The following AXIN2 variants were observed in gnomAD, a reference collection of about 807,000 sequenced individuals.
AXIN2 encodes axin 2, also known as axin-2.
In AXIN2, 21 loss-of-function variants were observed where a neutral mutation model predicts 74.7. The ratio of observed to expected loss-of-function variants is 0.28; its 90% CI spans 0.20 to 0.40. The LOEUF (loss-of-function observed/expected upper bound fraction) is 0.40, where lower values mean the gene tolerates loss of function less well. Ranked by LOEUF, AXIN2 falls within the 10% of genes least tolerant of loss-of-function variation. The probability of loss-of-function intolerance (pLI) is 1.00; values close to 1 mark genes in which losing one functional copy is unlikely to be tolerated. For missense variants in AXIN2, 1,144 were observed against 1,111.1 expected (o/e 1.03, Z -0.42); for synonymous variants, 532 against 454.9 (o/e 1.17, Z -2.16).
Position 65,537,048 on chromosome 17 carries a change from A to G in AXIN2, c.1728T>C (p.Ser576=), listed in dbSNP as rs2144452082. 6.2e-7 allele frequency: 1 copy of G among 1,606,578 alleles called. No homozygotes were observed. Among genetic ancestry groups the G allele is most frequent in the Non-Finnish European group, 8.5e-7 (1 of 1,179,626 alleles). The change falls in exon 7 of 11, where the codon AGT becomes AGC. Residue 576 remains serine (S), a synonymous_variant. Transcript: ENST00000307078. The part of the protein sequence containing the change: ...PSEQFGGSRG[S]TLPKRNGKGT... ...CTTTCCCATTGCGTTTGGGCAAGGT[A>G]CTGCCTCTGCTGCCGCTGTGGGGAA...
At chr17:65,559,193 G>A (rs2044324146) in intron 1 of AXIN2, among the ~76,000 whole-genome samples, 1 of 152,008 alleles carries the variant, frequency 6.6e-6, no homozygotes, top group African/African-American at 2.4e-5. Context: ...ACCAATTTCG[G>A]TATATTTCCC....
intron 2 of AXIN2, among the ~76,000 whole-genome samples, chr17:65,556,254 G>A (rs1360049943): frequency 1.3e-5 from 2 of 152,180 alleles, no homozygotes; most frequent in Non-Finnish European, 2.9e-5. Flanking sequence ...CCCCAGTCAG[G>A]AGGCCCCTGG....
intron 2 of AXIN2, among the ~76,000 whole-genome samples, 165 bp from the exon 3 acceptor site, chr17:65,549,825 G>C: frequency 6.6e-6 from 1 of 152,110 alleles, no homozygotes; most frequent in Non-Finnish European, 1.5e-5. Flanking sequence ...GCCACAAAAG[G>C]GAGGCCTCCT....
intron 2 of AXIN2, among the ~76,000 whole-genome samples, chr17:65,556,393 G>A (rs1244416774): frequency 6.6e-6 from 1 of 152,124 alleles, no homozygotes; most frequent in African/African-American, 2.4e-5. Flanking sequence ...GCAGGTGCCC[G>A]GCGACTGACC....
At chr17:65,555,780 CTG>C (rs1398122862) in intron 2 of AXIN2, among the ~76,000 whole-genome samples, 3 of 152,166 alleles carry the variant, frequency 2.0e-5, no homozygotes, top group African/African-American at 7.2e-5. Context: ...TTTCCATACA[CTG>C]TGCACACACT....
intron 10 of AXIN2, among the ~76,000 whole-genome samples, chr17:65,531,404 T>A (rs1370361868): frequency 1.3e-5 from 2 of 151,458 alleles, no homozygotes; most frequent in Non-Finnish European, 2.9e-5. Flanking sequence ...AGACACGTCA[T>A]GTCAAGGGGT....
intron 10 of AXIN2, among the ~76,000 whole-genome samples, chr17:65,532,310 G>C (rs1245572786): frequency 6.6e-6 from 1 of 152,092 alleles, no homozygotes; most frequent in Non-Finnish European, 1.5e-5. Flanking sequence ...TCTTCTCCAA[G>C]GTCACCTGCA....
chr17:65,558,085 T>C lies in AXIN2; in HGVS notation c.536A>G (p.Gln179Arg), dbSNP rs1555583409. ...GTAGGCATTTTCCTCCATCACCGAC[T>C]GGATCTCGGTCTGCGCCTGGTCAAA... Reference protein sequence around the residue: ...IMFDQAQTEIQSVMEENAYQM... With the variant: ...IMFDQAQTEIRSVMEENAYQM... Residue 179 changes from glutamine to arginine, a missense_variant, in exon 2 of 11, where the codon CAG becomes CGG. Physicochemically the swap from Gln to Arg is conservative, Grantham distance 43. Coordinates refer to ENST00000307078, the MANE Select transcript of AXIN2 (RefSeq NM_004655.4). 1.9e-6 allele frequency: 3 copies of C among 1,614,198 alleles called. No individual in the cohort carries two copies. Among genetic ancestry groups the C allele is most frequent in the Non-Finnish European group, 2.5e-6 (3 of 1,180,044 alleles).
intron 2 of AXIN2, among the ~76,000 whole-genome samples, chr17:65,555,211 G>T (rs1374728061): frequency 6.6e-6 from 1 of 152,190 alleles, no homozygotes; most frequent in Non-Finnish European, 1.5e-5. Flanking sequence ...TGCCAAGACC[G>T]CTCCTCAGCA....
At chr17:65,558,961 G>A (rs909532832) in intron 1 of AXIN2, among the ~76,000 whole-genome samples, 9 of 152,136 alleles carry the variant, frequency 5.9e-5, no homozygotes, top group Admixed American at 4.6e-4. Context: ...TTGGGGGTGG[G>A]AGGGAGCTGT....
At position 65,529,858 on chromosome 17, in the gene AXIN2, CTT is replaced by C. The variant is rs2043786769; in HGVS notation, c.*116_*117del. On this transcript the variant is annotated 3_prime_UTR_variant, in exon 11 of 11. Coordinates refer to ENST00000307078, the MANE Select transcript of AXIN2 (RefSeq NM_004655.4). ...GCCCACTGGCCGATTCTTCCTTAGA[CTT>C]TGTCTTCTTCATTGGTTTAATTTTC... 5 of 1,572,038 alleles carry C rather than the reference CTT, an allele frequency of 3.2e-6. No homozygotes were observed. The highest frequency in any genetic ancestry group is 2.3e-5 in the East Asian group (1 of 43,930).
rs745869388 is a variant in AXIN2, at chr17:65,533,914, A to G, written c.2403T>C (p.Tyr801=). Residue 801 remains tyrosine (Y), a splice_region_variant and synonymous_variant, in exon 10 of 11, where the codon TAT becomes TAC. Coordinates refer to ENST00000307078, the MANE Select transcript of AXIN2 (RefSeq NM_004655.4). ...GAAAAAAGCCACAGGACTCTTACCTATAATTTCCCTTTTTGCTGAGCTGCT... is the reference window on the plus strand; with the variant it reads ...GAAAAAAGCCACAGGACTCTTACCTGTAATTTCCCTTTTTGCTGAGCTGCT... ...FKEQLSKKGN[Y]RYYFKKASDE... is the part of the protein sequence containing the mutation. 1.1e-5 allele frequency: 17 copies of G among 1,613,820 alleles called. No homozygotes were observed. The highest frequency in any genetic ancestry group is 3.3e-4 in the Middle Eastern group (2 of 6,028).
intron 2 of AXIN2, among the ~76,000 whole-genome samples, chr17:65,553,855 G>T (rs542111721): frequency 7.4e-5 from 11 of 148,392 alleles, no homozygotes; most frequent in South Asian, 2.2e-4. Context: ...GGCGGGGGGG[G>T]GGGGAGGAAA....
chr17:65,558,458 T>C lies in AXIN2; in HGVS notation c.163A>G (p.Thr55Ala). The change falls in exon 2 of 11, where the codon ACC becomes GCC. Residue 55 changes from threonine (T) to alanine (A), a missense_variant. Coordinates refer to ENST00000307078, the MANE Select transcript of AXIN2 (RefSeq NM_004655.4). ...VTKPMPVSSN[T>A]RRNEDGLGEP... ...CCCAACCCATCTTCGTTCCGCCTGG[T>C]GTTGGAAGAGACAGGCATGGGTTTG... is the stretch of plus-strand genomic sequence containing the variant. 2 of 1,602,864 alleles carry C rather than the reference T, an allele frequency of 1.2e-6. No individual in the cohort carries two copies. Among genetic ancestry groups the C allele is most frequent in the Non-Finnish European group, 1.7e-6 (2 of 1,172,914 alleles).
intron 4 of AXIN2, 61 bp downstream of exon 4, chr17:65,541,391 TTTC>T: frequency 7.0e-7 from 1 of 1,435,434 alleles, no homozygotes; most frequent in Non-Finnish European, 9.8e-7. Context: ...CCACCACCCA[TTTC>T]TTTTCTTTAG....
intron 7 of AXIN2, 118 bp downstream of exon 7, chr17:65,536,751 G>A (rs975323751): frequency 2.7e-6 from 4 of 1,487,164 alleles, no homozygotes; most frequent in Non-Finnish European, 3.7e-6. Context: ...ATATTAAGAT[G>A]GCAGGAGCAA....
chr17:65,543,324 G>A (rs896597842), intron 3 of AXIN2, among the ~76,000 whole-genome samples: 5 of 152,124 alleles, frequency 3.3e-5, no homozygotes, highest in East Asian at 1.9e-4. Flanking sequence ...CATGAGGCTC[G>A]GCACCTGACC....
At chr17:65,544,494 C>G (rs781652676) in intron 3 of AXIN2, among the ~76,000 whole-genome samples, 4 of 151,836 alleles carry the variant, frequency 2.6e-5, no homozygotes, top group Non-Finnish European at 5.9e-5. Context: ...TGTAGAGGCT[C>G]AGAAAGGCTT....
intron 1 of AXIN2, among the ~76,000 whole-genome samples, chr17:65,559,676 A>G (rs1465822773): frequency 6.6e-6 from 1 of 152,112 alleles, no homozygotes; most frequent in African/African-American, 2.4e-5. Flanking sequence ...CCCAAACTCT[A>G]CTGATTTCAA....
Sources: allele counts gnomAD v4.1 joint callset (sites outside exome capture counted in the v4.1 genomes callset), GRCh38; gene constraint gnomAD v4.1.1; transcripts MANE v1.5; gene names NCBI Gene and HGNC (gene_info 2026-07-23, HGNC 2026-07-21).